CRACR2A: variants seen among roughly 807,000 people sequenced by gnomAD.
The protein encoded by CRACR2A is EF-hand calcium-binding domain-containing protein 4B.
A neutral mutation model predicts 90.5 loss-of-function variants in CRACR2A; 79 were observed. The observed-to-expected ratio is 0.87, with a 90% CI of 0.73 to 1.05. The LOEUF (loss-of-function observed/expected upper bound fraction) is 1.05, where lower values mean the gene tolerates loss of function less well. Ranked by LOEUF, CRACR2A falls within the 50% of genes least tolerant of loss-of-function variation. The pLI is 0.00. For synonymous variants in CRACR2A, 338 were observed against 356.7 expected (o/e 0.95, Z 0.59); for missense variants, 823 against 897.2 (o/e 0.92, Z 1.06).
intron 6 of CRACR2A, 115 bp downstream of exon 6, chr12:3,678,800 C>T (rs923267495): frequency 1.7e-6 from 2 of 1,167,018 alleles, no homozygotes; most frequent in African/African-American, 3.1e-5. Flanking sequence ...ACCTGCACTG[C>T]ATTCCAGTGC....
rs558719940 is a variant in CRACR2A, at chr12:3,680,808, G to A, written c.229-459C>T. 3.3e-5 allele frequency among the ~76,000 whole-genome samples: 5 copies of A among 152,298 alleles called. No homozygotes were observed. The East Asian group carries it at 9.7e-4, about 29-fold the overall frequency. On this transcript the variant is annotated intron_variant, in intron 4 of 19. Transcript: ENST00000440314. ...ATCTGTAAAGGACTCAAACTGTACA[G>A]GACCAAATACTTTCAGGATAATACT...
intron 11 of CRACR2A, among the ~76,000 whole-genome samples, chr12:3,645,174 G>T (rs548719474): frequency 6.6e-6 from 1 of 152,332 alleles, no homozygotes; most frequent in East Asian, 1.9e-4. Flanking sequence ...AGAAAATAAA[G>T]CAGGAAAGTG....
intron 9 of CRACR2A, among the ~76,000 whole-genome samples, chr12:3,655,632 G>A (rs1024239378): frequency 6.6e-6 from 1 of 152,204 alleles, no homozygotes; most frequent in East Asian, 1.9e-4. Context: ...TAAGTAGGAG[G>A]CTTGCCTAGG....
Position 3,644,494 on chromosome 12 carries a change from C to T in CRACR2A, c.1164+101G>A, listed in dbSNP as rs74649855. ...TGCCGTCATCCTGCCAAATAGATCCCGAGTGTCAGGACATTGCTGGGCCAG... is the reference window on the plus strand; with the variant it reads ...TGCCGTCATCCTGCCAAATAGATCCTGAGTGTCAGGACATTGCTGGGCCAG... On this transcript the variant is annotated intron_variant, in intron 12 of 19. Transcript: ENST00000440314. 3,531 of 1,225,214 alleles carry T rather than the reference C, an allele frequency of 2.9e-3. 89 individuals carry two copies. The East Asian group carries it at 0.055, about 19-fold the overall frequency. The allele number at this position is 1,225,214 out of a possible 1,614,324, so 75.9% of individuals were successfully genotyped here.
intron 1 of CRACR2A, among the ~76,000 whole-genome samples, chr12:3,749,481 T>G (rs1208244324): frequency 6.6e-6 from 1 of 152,156 alleles, no homozygotes; most frequent in Non-Finnish European, 1.5e-5. Context: ...CTCCACAAAC[T>G]CAGCTCTTCC....
At chr12:3,656,704 A>G (rs1182102985) in intron 8 of CRACR2A, among the ~76,000 whole-genome samples, 1 of 152,206 alleles carries the variant, frequency 6.6e-6, no homozygotes, top group East Asian at 1.9e-4. Flanking sequence ...AGTGTCAGCC[A>G]GTTGTGGTAC....
intron 3 of CRACR2A, among the ~76,000 whole-genome samples, chr12:3,700,406 G>A (rs1945818007): frequency 6.6e-6 from 1 of 152,162 alleles, no homozygotes; most frequent in Admixed American, 6.5e-5. Context: ...GGCACGGGGA[G>A]GGGAAACACA....
At chr12:3,675,861 A>G (rs1192415522) in intron 6 of CRACR2A, among the ~76,000 whole-genome samples, 1 of 152,174 alleles carries the variant, frequency 6.6e-6, no homozygotes, top group Non-Finnish European at 1.5e-5. Flanking sequence ...ATTAAGCATT[A>G]TATTTTAGAA....
intron 18 of CRACR2A, among the ~76,000 whole-genome samples, chr12:3,618,958 A>AGGGG (rs368079624): frequency 6.6e-6 from 1 of 152,156 alleles, no homozygotes; most frequent in African/African-American, 2.4e-5. Flanking sequence ...TGCAGATTGG[A>AGGGG]GGGGGATTGA....
chr12:3,673,462 C>G lies in CRACR2A; in HGVS notation c.655G>C (p.Glu219Gln). The G allele has an allele frequency of 6.2e-7, 1 of 1,613,832 alleles. No individual in the cohort carries two copies. Among genetic ancestry groups the G allele is most frequent in the Non-Finnish European group, 8.5e-7 (1 of 1,179,910 alleles). ...QEAHEEKNEL[E>Q]CALKRKIAAY... ...GGTACCCACCTTTTTAGGGCACACT[C>G]CAGTTCATTCTTCTCCTCATGGGCT... The change falls in exon 7 of 20, where the codon GAG (glutamate) becomes CAG (glutamine). Residue 219 changes from glutamate to glutamine, a missense_variant. By Grantham distance (29) the Glu-to-Gln change is conservative. Coordinates refer to ENST00000440314, the MANE Select transcript of CRACR2A (RefSeq NM_001144958.2).
chr12:3,663,600 T>C (rs947367847), intron 7 of CRACR2A, among the ~76,000 whole-genome samples: 1 of 152,204 alleles, frequency 6.6e-6, no homozygotes, highest in Non-Finnish European at 1.5e-5. Context: ...TTTTTACAAA[T>C]CCCTTTACAA....
intron 8 of CRACR2A, among the ~76,000 whole-genome samples, chr12:3,656,898 T>C (rs998876435): frequency 6.6e-6 from 1 of 152,204 alleles, no homozygotes; most frequent in Non-Finnish European, 1.5e-5. Context: ...ACAGGGCCAT[T>C]TCCTCTTCCT....
At chr12:3,617,653 G>T (rs1353878871) in intron 18 of CRACR2A, among the ~76,000 whole-genome samples, 1 of 152,218 alleles carries the variant, frequency 6.6e-6, no homozygotes, top group African/African-American at 2.4e-5. Context: ...ATGAGGTTGT[G>T]CTGCCTGCAT....
chr12:3,638,463 G>A lies in CRACR2A; in HGVS notation c.1272-9C>T. 1 of 1,525,620 alleles carries A rather than the reference G, an allele frequency of 6.6e-7. No individual in the cohort carries two copies. The highest frequency in any genetic ancestry group is 8.8e-7 in the Non-Finnish European group (1 of 1,132,686). 94.5% of individuals were successfully genotyped at this position (1,525,620 alleles called of 1,614,324 possible). On this transcript the variant is annotated splice_polypyrimidine_tract_variant and intron_variant, in intron 13 of 19. Transcript: ENST00000440314. ...CCTCCTCCTCTGACTGGCTACTGGG[G>A]CGGGGAAGAGAGAAGAGTTGGGAGG...
At chr12:3,728,878 C>T (rs1946315120) in intron 2 of CRACR2A, 1 of 152,200 alleles carries the variant, frequency 6.6e-6, no homozygotes, top group Admixed American at 6.5e-5. Flanking sequence ...TAGCTCATAG[C>T]CACCACTTCT....
intron 17 of CRACR2A, among the ~76,000 whole-genome samples, chr12:3,622,421 T>C (rs938011025): frequency 6.6e-6 from 1 of 152,244 alleles, no homozygotes; most frequent in African/African-American, 2.4e-5. Flanking sequence ...TTCTGTTCTA[T>C]GACCCTCTAA....
rs1052913705 is a variant in CRACR2A, at chr12:3,743,734, A to T, written c.-387+9281T>A. ...TTATGAAGCATGCAGCCCACCCAGA[A>T]GTTTGTTGAATGCTTTGCTGTTTCC... On this transcript the variant is annotated intron_variant, in intron 1 of 19. Transcript: ENST00000440314. Among the ~76,000 whole-genome samples the T allele has an allele frequency of 2.0e-5, 3 of 152,286 alleles. No homozygotes were observed. The East Asian group carries it at 5.8e-4, about 29-fold the overall frequency.
intron 4 of CRACR2A, among the ~76,000 whole-genome samples, chr12:3,693,984 G>A (rs1019051199): frequency 3.3e-5 from 5 of 152,148 alleles, no homozygotes; most frequent in Admixed American, 1.3e-4. Context: ...CCAGGGGCCC[G>A]TGGAGAGAGT....
chr12:3,653,075 C>G (rs535053064), intron 10 of CRACR2A, among the ~76,000 whole-genome samples: 1 of 129,954 alleles, frequency 7.7e-6, no homozygotes, highest in Non-Finnish European at 1.8e-5. Flanking sequence ...CTCTGCCTCC[C>G]AGGTTCAAGC....
Sources: gnomAD v4.1 joint callset for allele counts (sites outside exome capture counted in the v4.1 genomes callset) on GRCh38, gnomAD v4.1.1 for gene constraint, MANE v1.5 for transcripts, NCBI Gene and HGNC (gene_info 2026-07-23, HGNC 2026-07-21) for gene names.